MRPL48: variants seen among roughly 807,000 people sequenced by gnomAD.
MRPL48 encodes the protein mitochondrial ribosomal protein L48.
In MRPL48, 16 loss-of-function variants were observed where a neutral mutation model predicts 32.9. The observed-to-expected ratio is 0.49, with a 90% CI of 0.33 to 0.74. MRPL48 has a LOEUF of 0.74. Among genes scored for constraint, MRPL48 ranks in the 30% least tolerant of loss-of-function variants. MRPL48 has a pLI of 0.02. For synonymous variants in MRPL48, 94 were observed against 89.2 expected (o/e 1.05, Z -0.31); for missense variants, 206 against 245.3 (o/e 0.84, Z 1.07).
intron 5 of MRPL48, 63 bp downstream of exon 5, chr11:73,845,039 A>G: frequency 1.3e-6 from 2 of 1,498,260 alleles, no homozygotes; most frequent in Non-Finnish European, 1.8e-6. Flanking sequence ...TTTTTTTGTT[A>G]AACTAGGCTT....
At chr11:73,796,436 G>A (rs964940305) in intron 1 of MRPL48, among the ~76,000 whole-genome samples, 2 of 152,222 alleles carry the variant, frequency 1.3e-5, no homozygotes, top group South Asian at 2.1e-4. Context: ...GTGCTGACAC[G>A]CCAGCCTCTT....
chr11:73,793,986 C>T (rs967471148), intron 1 of MRPL48, among the ~76,000 whole-genome samples: 11 of 150,764 alleles, frequency 7.3e-5, no homozygotes, highest in African/African-American at 2.2e-4. Flanking sequence ...GGATTACAGA[C>T]GTGAGCCACC....
intron 1 of MRPL48, among the ~76,000 whole-genome samples, chr11:73,796,105 A>G (rs1001160242): frequency 1.3e-5 from 2 of 152,240 alleles, no homozygotes; most frequent in Admixed American, 6.5e-5. Flanking sequence ...AGAGCCAGGG[A>G]CAAGTGGGAG....
At position 73,787,907 on chromosome 11, in the gene MRPL48, C is replaced by G; in HGVS notation, c.-65C>G. 4 of 1,592,044 alleles carry G rather than the reference C, an allele frequency of 2.5e-6. No homozygotes were observed. The highest frequency in any genetic ancestry group is 2.6e-6 in the Non-Finnish European group (3 of 1,167,274). On this transcript the variant is annotated 5_prime_UTR_variant, in exon 1 of 8. Coordinates refer to ENST00000310614, the MANE Select transcript of MRPL48 (RefSeq NM_016055.6). The stretch of plus-strand genomic sequence containing the variant: ...CGTTCCTTCAGTGTTTTCAGACGCC[C>G]TGGGAACGCGGCTGCAGGGTCCGGT...
chr11:73,805,052 T>C lies in MRPL48; in HGVS notation c.47T>C (p.Ile16Thr). 2 of 1,588,530 alleles carry C rather than the reference T, an allele frequency of 1.3e-6. No individual in the cohort carries two copies. The highest frequency in any genetic ancestry group is 1.7e-6 in the Non-Finnish European group (2 of 1,166,282). ...GTGCTGTGCCTGAGGAACAATACCA[T>C]TTTTAAGCAAGCCTTTTCTCTCTTA... ...EKVLCLRNNT[I>T]FKQAFSLLRF... is the part of the protein sequence containing the mutation. Residue 16 changes from isoleucine (I) to threonine (T), a missense_variant, in exon 2 of 8, where the codon ATT (isoleucine) becomes ACT (threonine). Ile to Thr is a moderately conservative substitution (Grantham distance 89). Coordinates refer to ENST00000310614, the MANE Select transcript of MRPL48 (RefSeq NM_016055.6).
rs772712007 is a variant in MRPL48 at position 73,844,897 on chromosome 11, T to C, written c.292T>C (p.Tyr98His). 7 of 1,613,872 alleles carry C rather than the reference T, an allele frequency of 4.3e-6. No individual in the cohort carries two copies. In the South Asian group the frequency reaches 7.7e-5, roughly 18 times the overall value. ...GGTTTTAAATATTCATCTGACTGCA[T>C]ATGATATGACCCTGGCAGAGAGTTA... is the stretch of plus-strand genomic sequence containing the variant. ...YGVLNIHLTA[Y>H]DMTLAESYAQ... The change falls in exon 5 of 8, where the codon TAT becomes CAT. Residue 98 changes from tyrosine to histidine, a missense_variant. Physicochemically the swap from Tyr to His is moderately conservative, Grantham distance 83 (BLOSUM62 2). Coordinates refer to ENST00000310614, the MANE Select transcript of MRPL48 (RefSeq NM_016055.6).
intron 2 of MRPL48, among the ~76,000 whole-genome samples, chr11:73,805,578 G>A (rs1004979151): frequency 6.6e-6 from 1 of 151,614 alleles, no homozygotes; most frequent in African/African-American, 2.4e-5. Flanking sequence ...TTACAGGTGT[G>A]GGCCCCCGCG....
chr11:73,823,707 G>A (rs1402464973), intron 3 of MRPL48, among the ~76,000 whole-genome samples: 2 of 138,832 alleles, frequency 1.4e-5, no homozygotes, highest in Middle Eastern at 3.8e-3. Context: ...TATGTTGCCC[G>A]GGCTGAAGTG....
chr11:73,790,489 A>G (rs1180978281), intron 1 of MRPL48, among the ~76,000 whole-genome samples: 1 of 137,878 alleles, frequency 7.3e-6, no homozygotes, highest in Non-Finnish European at 1.5e-5. Flanking sequence ...GGTTCACGCC[A>G]TTCTTCTGCC....
intron 3 of MRPL48, among the ~76,000 whole-genome samples, chr11:73,818,735 A>G (rs1036700243): frequency 2.6e-5 from 4 of 152,188 alleles, no homozygotes; most frequent in Admixed American, 6.5e-5. Context: ...AAAAATGCTT[A>G]TCCCATTTCT....
At chr11:73,826,721 C>A (rs1188732838) in intron 4 of MRPL48, among the ~76,000 whole-genome samples, 1 of 151,334 alleles carries the variant, frequency 6.6e-6, no homozygotes, top group East Asian at 1.9e-4. Context: ...CCCAAGTGAT[C>A]TGCCTGCCTT....
intron 4 of MRPL48, among the ~76,000 whole-genome samples, chr11:73,840,108 A>C (rs919758300): frequency 9.9e-5 from 15 of 152,054 alleles, no homozygotes; most frequent in African/African-American, 3.6e-4. Flanking sequence ...TAAAAAAAAA[A>C]AAAAACTCAG....
intron 2 of MRPL48, among the ~76,000 whole-genome samples, chr11:73,806,541 ACTCATTTTTTATATAT>A (rs1947457397): frequency 6.6e-6 from 1 of 152,044 alleles, no homozygotes. Context: ...TCACCATCTG[ACTCATTTTTTATATAT>A]AAAAATGTTT....
intron 3 of MRPL48, among the ~76,000 whole-genome samples, chr11:73,811,486 T>G (rs959669987): frequency 6.6e-6 from 1 of 152,184 alleles, no homozygotes; most frequent in African/African-American, 2.4e-5. Context: ...TACTTTTTAT[T>G]TTGAGAGATA....
chr11:73,855,022 G>A (rs1948462240), intron 5 of MRPL48, among the ~76,000 whole-genome samples: 1 of 152,098 alleles, frequency 6.6e-6, no homozygotes, highest in South Asian at 2.1e-4. Flanking sequence ...AGGCTACAGT[G>A]AAAATTAAGG....
intron 3 of MRPL48, among the ~76,000 whole-genome samples, chr11:73,808,937 AT>A (rs1371225890): frequency 6.7e-6 from 1 of 149,616 alleles, no homozygotes; most frequent in Non-Finnish European, 1.5e-5. Context: ...AAAAAAAAAA[AT>A]AATGAGAAGG....
intron 4 of MRPL48, among the ~76,000 whole-genome samples, chr11:73,832,162 C>T (rs1033754679): frequency 2.6e-5 from 4 of 152,114 alleles, no homozygotes; most frequent in African/African-American, 7.2e-5. Context: ...CATATGTTCT[C>T]ATTTCCAGGC....
intron 1 of MRPL48, among the ~76,000 whole-genome samples, chr11:73,800,992 G>A (rs967472138): frequency 1.3e-5 from 2 of 151,830 alleles, no homozygotes; most frequent in African/African-American, 2.4e-5. Context: ...TGTATTTTTA[G>A]TAGAGACGAG....
intron 5 of MRPL48, among the ~76,000 whole-genome samples, chr11:73,845,834 A>G (rs1445946026): frequency 6.6e-6 from 1 of 152,070 alleles, no homozygotes; most frequent in Non-Finnish European, 1.5e-5. Context: ...TTGGCAGGCT[A>G]AGGCGGGTGG....
Sources: allele counts gnomAD v4.1 joint callset (sites outside exome capture counted in the v4.1 genomes callset), GRCh38; gene constraint gnomAD v4.1.1; transcripts MANE v1.5; gene names NCBI Gene and HGNC (gene_info 2026-07-23, HGNC 2026-07-21).